Variants in SNX13 observed in about 807,000 individuals in gnomAD.
SNX13 encodes sorting nexin-13.
SNX13 carries 45 observed loss-of-function variants against 133.6 expected under a neutral mutation model. The observed-to-expected ratio is 0.34, with a 90% CI of 0.27 to 0.43. The LOEUF (loss-of-function observed/expected upper bound fraction) is 0.43. Among genes scored for constraint, SNX13 ranks in the 20% least tolerant of loss-of-function variants. The pLI, the probability that SNX13 is intolerant of heterozygous loss-of-function variation, is 1.00. For synonymous variants in SNX13, 414 were observed against 373.9 expected, an observed-to-expected ratio of 1.11 and a Z score of -1.24; for missense variants, 1,032 against 1,145.1, an observed-to-expected ratio of 0.90 and a Z score of 1.43.
Position 17,810,487 on chromosome 7 carries a change from GA to G in SNX13, c.2064+4346del, listed in dbSNP as rs879396888. On this transcript the variant is annotated intron_variant, in intron 20 of 25. Transcript: ENST00000428135. ...AGGCAGTAATTAATAGCCTACCAAA[GA>G]AAAAAAAAGCCCAGGACCAGATGGC... 3.8e-3 allele frequency among the ~76,000 whole-genome samples: 579 copies of G among 150,666 alleles called. 1 individual carries two copies. Among genetic ancestry groups the G allele is most frequent in the African/African-American group, 0.013 (545 of 41,064 alleles).
intron 1 of SNX13, among the ~76,000 whole-genome samples, chr7:17,922,371 C>A (rs1178095688): frequency 6.6e-6 from 1 of 152,154 alleles, no homozygotes; most frequent in Admixed American, 6.6e-5. Context: ...GCCCCCACTG[C>A]CCTCATGTAT....
At chr7:17,821,408 TA>T (rs1787264422) in intron 18 of SNX13, 100 bp downstream of exon 18, 5 of 1,182,222 alleles carry the variant, frequency 4.2e-6, no homozygotes, top group Admixed American at 4.7e-5. Context: ...ATTCTTACCT[TA>T]TTTTTTTAAT....
At position 17,933,458 on chromosome 7, in the gene SNX13, G is replaced by A. The variant is rs547595522; in HGVS notation, c.12+6826C>T. 1.1e-4 allele frequency among the ~76,000 whole-genome samples: 17 copies of A among 151,702 alleles called. No homozygotes were observed. In the East Asian group the frequency reaches 1.6e-3, roughly 14 times the overall value. ...GTCAGGAGGCTGAGGCAAAAGAATC[G>A]CTTGAACCCGTGAGACAGAGCTTGC... On this transcript the variant is annotated intron_variant, in intron 1 of 25. Coordinates refer to ENST00000428135, the MANE Select transcript of SNX13 (RefSeq NM_015132.5).
chr7:17,824,888 G>A (rs1330392099), intron 17 of SNX13, among the ~76,000 whole-genome samples: 2 of 151,782 alleles, frequency 1.3e-5, no homozygotes, highest in Non-Finnish European at 2.9e-5. Context: ...TCCTGCCTCA[G>A]CCTCCCTAGT....
chr7:17,859,942 G>A (rs984808599), intron 9 of SNX13, among the ~76,000 whole-genome samples: 2 of 152,056 alleles, frequency 1.3e-5, no homozygotes, highest in African/African-American at 2.4e-5. Flanking sequence ...CTTGGCTACT[G>A]TGAATACTGC....
chr7:17,871,153 C>A (rs890931993), intron 8 of SNX13, among the ~76,000 whole-genome samples: 1 of 151,946 alleles, frequency 6.6e-6, no homozygotes. Flanking sequence ...TGACAGGCGC[C>A]TGCCACCATG....
chr7:17,883,094 TTTATATGACTGTA>T (rs1479979334), intron 5 of SNX13, among the ~76,000 whole-genome samples: 3 of 152,194 alleles, frequency 2.0e-5, no homozygotes, highest in African/African-American at 7.2e-5. Flanking sequence ...GGCATGCAGT[TTTATATGACTGTA>T]TTAAAGGAAA....
intron 1 of SNX13, among the ~76,000 whole-genome samples, chr7:17,930,318 T>G (rs757741906): frequency 2.6e-5 from 4 of 152,164 alleles, no homozygotes; most frequent in African/African-American, 9.7e-5. Context: ...CGAGAAAACT[T>G]AGATTCAAAT....
intron 5 of SNX13, among the ~76,000 whole-genome samples, chr7:17,884,567 C>T (rs143108001): frequency 7.1e-4 from 108 of 152,096 alleles, no homozygotes; most frequent in African/African-American, 2.5e-3. Context: ...CAGTAAATAC[C>T]CAATAAATTA....
chr7:17,934,335 A>C (rs1219575381), intron 1 of SNX13, among the ~76,000 whole-genome samples: 2 of 152,216 alleles, frequency 1.3e-5, no homozygotes, highest in African/African-American at 4.8e-5. Context: ...TAATCTGAGA[A>C]CCTCATTCAG....
intron 9 of SNX13, among the ~76,000 whole-genome samples, chr7:17,851,695 T>C (rs1263165513): frequency 7.9e-6 from 1 of 127,172 alleles, no homozygotes; most frequent in African/African-American, 3.0e-5. Context: ...GAGAAAAAAA[T>C]TAAGAGATGC....
At chr7:17,797,508 G>C (rs1562644237) in intron 24 of SNX13, among the ~76,000 whole-genome samples, 1 of 151,788 alleles carries the variant, frequency 6.6e-6, no homozygotes, top group Non-Finnish European at 1.5e-5. Context: ...TGAAGGCAGG[G>C]ACTGAGCACA....
intron 13 of SNX13, among the ~76,000 whole-genome samples, chr7:17,838,643 T>C (rs947315472): frequency 2.6e-5 from 4 of 151,944 alleles, no homozygotes; most frequent in African/African-American, 9.7e-5. Flanking sequence ...TCTCATGAAT[T>C]GATACAATGC....
At chr7:17,842,752 G>A (rs1790048947) in intron 12 of SNX13, among the ~76,000 whole-genome samples, 2 of 151,900 alleles carry the variant, frequency 1.3e-5, no homozygotes, top group Admixed American at 1.3e-4. Flanking sequence ...TTCATATTTT[G>A]AACACACAAT....
At chr7:17,867,661 C>A (rs765052662) in intron 9 of SNX13, among the ~76,000 whole-genome samples, 1 of 151,714 alleles carries the variant, frequency 6.6e-6, no homozygotes, top group East Asian at 1.9e-4. Context: ...GCAAGTCTGA[C>A]AATGCCTAAG....
Position 17,873,632 on chromosome 7 carries a change from G to C in SNX13, c.665-16C>G. 10 of 1,463,840 alleles carry C rather than the reference G, an allele frequency of 6.8e-6. No individual in the cohort carries two copies. Among genetic ancestry groups the C allele is most frequent in the Non-Finnish European group, 8.3e-6 (9 of 1,078,550 alleles). The allele number at this position is 1,463,840 out of a possible 1,614,324, so 90.7% of individuals were successfully genotyped here. On this transcript the variant is annotated splice_polypyrimidine_tract_variant and intron_variant, in intron 7 of 25. Coordinates refer to ENST00000428135, the MANE Select transcript of SNX13 (RefSeq NM_015132.5). Reference sequence around the variant, plus strand: ...CTTAGGAATCCTAAAAGTAGAAAAAGTAGCTATCATAACATTAGAAAATAT... The same window carrying C: ...CTTAGGAATCCTAAAAGTAGAAAAACTAGCTATCATAACATTAGAAAATAT...
At chr7:17,897,637 T>C (rs985882570) in intron 1 of SNX13, among the ~76,000 whole-genome samples, 191 bp from the exon 2 acceptor site, 2 of 152,136 alleles carry the variant, frequency 1.3e-5, no homozygotes, top group African/African-American at 4.8e-5. Context: ...AAAATTTATA[T>C]GTATAGAGAG....
chr7:17,841,064 G>A (rs753163265), intron 12 of SNX13, among the ~76,000 whole-genome samples: 7 of 152,036 alleles, frequency 4.6e-5, no homozygotes, highest in Non-Finnish European at 8.8e-5. Context: ...AGGAACCAGG[G>A]TGGACAAAAA....
At chr7:17,903,262 C>A (rs1019104656) in intron 1 of SNX13, among the ~76,000 whole-genome samples, 7 of 152,050 alleles carry the variant, frequency 4.6e-5, no homozygotes, top group African/African-American at 1.4e-4. Flanking sequence ...TGGGATAGGG[C>A]CTATAGTTCT....
Sources: allele counts gnomAD v4.1 joint callset (sites outside exome capture counted in the v4.1 genomes callset), GRCh38; gene constraint gnomAD v4.1.1; transcripts MANE v1.5; gene names NCBI Gene and HGNC (gene_info 2026-07-23, HGNC 2026-07-21).